Variants in TMTC1 observed in about 807,000 individuals in gnomAD.
The protein encoded by TMTC1 is transmembrane O-mannosyltransferase targeting cadherins 1, also known as protein O-mannosyl-transferase TMTC1.
In TMTC1, 73 loss-of-function variants were observed where a neutral mutation model predicts 104.8. That is an observed-to-expected ratio of 0.70 (90% CI 0.58 to 0.85). TMTC1 has a LOEUF of 0.85. Among genes scored for constraint, TMTC1 ranks in the 40% least tolerant of loss-of-function variants. The probability of loss-of-function intolerance (pLI) is 0.00; values close to 1 mark genes in which losing one functional copy is unlikely to be tolerated. For synonymous variants in TMTC1, 434 were observed against 428.7 expected (o/e 1.01, Z -0.15); for missense variants, 1,035 against 1,096.1 (o/e 0.94, Z 0.79).
At chr12:29,535,698 T>G (rs1944623103) in intron 11 of TMTC1, 1 of 155,268 alleles carries the variant, frequency 6.4e-6, no homozygotes, top group African/African-American at 2.4e-5. Context: ...TGAAAACTGG[T>G]ATCAAATCAT....
At chr12:29,521,146 C>T (rs1396414729) in intron 11 of TMTC1, 1 of 170,698 alleles carries the variant, frequency 5.9e-6, no homozygotes, top group East Asian at 1.7e-4. Context: ...GCAGGGCAGT[C>T]TGGGGAATTT....
At chr12:29,583,135 C>T (rs1946028234) in intron 8 of TMTC1, among the ~76,000 whole-genome samples, 1 of 152,182 alleles carries the variant, frequency 6.6e-6, no homozygotes, top group African/African-American at 2.4e-5. Flanking sequence ...ATCATTAAAA[C>T]TGTTTCCATC....
intron 5 of TMTC1, chr12:29,658,628 G>C (rs1396503711): frequency 9.7e-6 from 2 of 206,186 alleles, no homozygotes; most frequent in Non-Finnish European, 2.1e-5. Flanking sequence ...TTTTGCCACG[G>C]AAACATTTGT....
intron 9 of TMTC1, among the ~76,000 whole-genome samples, chr12:29,565,409 G>A (rs1340713772): frequency 1.3e-5 from 2 of 152,106 alleles, no homozygotes; most frequent in East Asian, 3.8e-4. Context: ...ATTATCCATC[G>A]CAAGTCTACC....
chr12:29,585,760 A>T (rs1367917803), intron 7 of TMTC1, among the ~76,000 whole-genome samples: 1 of 152,148 alleles, frequency 6.6e-6, no homozygotes, highest in Non-Finnish European at 1.5e-5. Flanking sequence ...GATATGCAGC[A>T]TTATTTCTGA....
At chr12:29,630,527 C>T (rs1304983766) in intron 6 of TMTC1, among the ~76,000 whole-genome samples, 1 of 152,124 alleles carries the variant, frequency 6.6e-6, no homozygotes. Flanking sequence ...CACAGCCAAA[C>T]CATGTCATAT....
At chr12:29,569,831 G>T (rs1410828899) in intron 9 of TMTC1, among the ~76,000 whole-genome samples, 1 of 152,124 alleles carries the variant, frequency 6.6e-6, no homozygotes, top group Admixed American at 6.5e-5. Context: ...TATATTTATA[G>T]CTTTAATTGT....
chr12:29,601,106 T>C (rs1946552970), intron 7 of TMTC1, among the ~76,000 whole-genome samples: 1 of 152,134 alleles, frequency 6.6e-6, no homozygotes, highest in Non-Finnish European at 1.5e-5. Flanking sequence ...AGCCTATTCC[T>C]AGAGGAAAAA....
At chr12:29,659,437 C>T (rs961057823) in intron 5 of TMTC1, among the ~76,000 whole-genome samples, 12 of 152,126 alleles carry the variant, frequency 7.9e-5, no homozygotes, top group East Asian at 1.9e-4. Context: ...CTGGCACCTC[C>T]GCTCTCTCTC....
rs1396080955 is a variant in TMTC1 at position 29,583,568 on chromosome 12, G to A, written c.1257C>T (p.Gly419=). 6.2e-7 allele frequency: 1 copy of A among 1,612,462 alleles called. No homozygotes were observed. The highest frequency in any genetic ancestry group is 1.1e-5 in the South Asian group (1 of 90,770). ...AERVLYMPSM[G]YCILFVHGLS... is the part of the protein sequence containing the mutation. ...GTCCATGCACAAAAAGGATGCAGTA[G>A]CCCATGCTGGAAAACAGGGTGGAAG... Residue 419 remains glycine, a synonymous_variant, in exon 8 of 18, where the codon GGC becomes GGT. Transcript: ENST00000539277.
At chr12:29,511,620 T>C (rs74081044) in intron 17 of TMTC1, among the ~76,000 whole-genome samples, 2,640 of 152,216 alleles carry the variant, frequency 0.017, 58 homozygotes, top group African/African-American at 0.059. Context: ...AAAGGTATAT[T>C]AGACATAAGA....
At chr12:29,515,753 C>T (rs1260034837) in intron 15 of TMTC1, among the ~76,000 whole-genome samples, 3 of 138,450 alleles carry the variant, frequency 2.2e-5, no homozygotes, top group African/African-American at 2.7e-5. Flanking sequence ...AGGGCAGTGA[C>T]TTTTTTTTTT....
intron 5 of TMTC1, among the ~76,000 whole-genome samples, chr12:29,711,876 G>A (rs1379071262): frequency 1.3e-5 from 2 of 151,866 alleles, no homozygotes; most frequent in Admixed American, 1.3e-4. Context: ...GCATGGTGGT[G>A]AGTGCCTGTA....
rs1051267056 is a variant in TMTC1 at position 29,505,196 on chromosome 12, T to C, written c.*1650A>G. The C allele has an allele frequency of 6.6e-6, 1 of 152,162 alleles. No individual in the cohort carries two copies. Among genetic ancestry groups the C allele is most frequent in the African/African-American group, 2.4e-5 (1 of 41,440 alleles). The allele number at this position is 152,162 out of a possible 1,614,324, so 9.4% of individuals were successfully genotyped here. On this transcript the variant is annotated 3_prime_UTR_variant, in exon 18 of 18. Coordinates refer to ENST00000539277, the MANE Select transcript of TMTC1 (RefSeq NM_001193451.2). ...ACCTTGACAAAACAAATAATAACAC[T>C]GGGGTAGTGCTTCCTGATACTGGGT...
chr12:29,627,002 T>C (rs1257580859), intron 6 of TMTC1, among the ~76,000 whole-genome samples: 3 of 152,078 alleles, frequency 2.0e-5, no homozygotes, highest in Non-Finnish European at 4.4e-5. Context: ...CTCGGGAGGC[T>C]GAGGCAGGAG....
intron 1 of TMTC1, among the ~76,000 whole-genome samples, chr12:29,780,414 T>C (rs985438920): frequency 6.6e-6 from 1 of 152,230 alleles, no homozygotes; most frequent in Non-Finnish European, 1.5e-5. Context: ...TACTATGTGA[T>C]TCCATTTATA....
At chr12:29,624,377 A>G (rs1937858576) in intron 6 of TMTC1, among the ~76,000 whole-genome samples, 1 of 152,170 alleles carries the variant, frequency 6.6e-6, no homozygotes, top group Non-Finnish European at 1.5e-5. Context: ...AGGTGGAAGA[A>G]GTATGGCAAG....
intron 10 of TMTC1, among the ~76,000 whole-genome samples, chr12:29,546,179 G>C (rs1180406727): frequency 6.6e-6 from 1 of 152,194 alleles, no homozygotes; most frequent in Non-Finnish European, 1.5e-5. Context: ...TGTAATGGGA[G>C]AGTGATGGGC....
At chr12:29,750,498 ATGCC>A (rs533361112) in intron 5 of TMTC1, among the ~76,000 whole-genome samples, 122 of 152,352 alleles carry the variant, frequency 8.0e-4, no homozygotes, top group African/African-American at 1.7e-3. Flanking sequence ...TGCCTAGAAC[ATGCC>A]TGGCACTTGT....
Sources: allele counts gnomAD v4.1 joint callset (sites outside exome capture counted in the v4.1 genomes callset), GRCh38; gene constraint gnomAD v4.1.1; transcripts MANE v1.5; gene names NCBI Gene and HGNC (gene_info 2026-07-23, HGNC 2026-07-21).